EIF2D: variants seen among roughly 807,000 people sequenced by gnomAD.
EIF2D encodes the protein hepatocellular carcinoma-associated antigen 56.
Under a neutral mutation model 77.4 loss-of-function variants are expected in EIF2D, and 56 were observed. That is an observed-to-expected ratio of 0.72 (90% CI 0.58 to 0.90). EIF2D has a LOEUF of 0.90. EIF2D is among the 40% of genes least tolerant of loss of function. The pLI is 0.00. For synonymous variants in EIF2D, 230 were observed against 271.0 expected, an observed-to-expected ratio of 0.85 and a Z score of 1.49; for missense variants, 574 against 706.5, an observed-to-expected ratio of 0.81 and a Z score of 2.13.
downstream of EIF2D, among the ~76,000 whole-genome samples, chr1:206,570,920 G>T (rs1668430609): frequency 6.6e-6 from 1 of 152,138 alleles, no homozygotes. Context: ...TGATATTTGA[G>T]TCCTTGCTCT....
downstream of EIF2D, chr1:206,588,607 G>A (rs1438593019): frequency 6.6e-6 from 1 of 152,360 alleles, no homozygotes; most frequent in Non-Finnish European, 1.5e-5. Context: ...TTCCCTCTCT[G>A]ACCCAGGCTG....
chr1:206,596,898 C>T (rs1275132695), intron 12 of EIF2D, among the ~76,000 whole-genome samples: 6 of 150,014 alleles, frequency 4.0e-5, no homozygotes, highest in African/African-American at 1.5e-4. Flanking sequence ...TCCTTTCAAG[C>T]TCTCCCATGT....
chr1:206,606,864 G>C (rs1203798465), intron 4 of EIF2D, among the ~76,000 whole-genome samples: 2 of 152,200 alleles, frequency 1.3e-5, no homozygotes, highest in Non-Finnish European at 2.9e-5. Flanking sequence ...GTATTGGTGA[G>C]AGTATAGGGA....
chr1:206,610,667 A>T (rs1572417547), intron 2 of EIF2D, among the ~76,000 whole-genome samples: 1 of 152,090 alleles, frequency 6.6e-6, no homozygotes, highest in East Asian at 1.9e-4. Flanking sequence ...AAAAAATGCA[A>T]AAAATTAGCA....
At chr1:206,611,943 A>G (rs1023890644) in intron 1 of EIF2D, among the ~76,000 whole-genome samples, 1 of 152,096 alleles carries the variant, frequency 6.6e-6, no homozygotes, top group African/African-American at 2.4e-5. Flanking sequence ...TTGGTATCCC[A>G]TCCGATCTCT....
chr1:206,573,495 A>G (rs887299669), intron 4 of EIF2D, among the ~76,000 whole-genome samples: 2 of 152,240 alleles, frequency 1.3e-5, no homozygotes, highest in East Asian at 3.8e-4. Flanking sequence ...TCTCTCACGG[A>G]ACTCAGTATA....
intron 11 of EIF2D, among the ~76,000 whole-genome samples, chr1:206,597,509 G>A (rs1431189819): frequency 6.6e-6 from 1 of 152,228 alleles, no homozygotes; most frequent in Non-Finnish European, 1.5e-5. Flanking sequence ...AAGAAAGGAA[G>A]TGGGGATCTT....
rs1553407016 is a variant in EIF2D, at chr1:206,584,385, A to G, written c.139-3223T>C. 1 of 1,608,080 alleles carries G rather than the reference A, an allele frequency of 6.2e-7. No homozygotes were observed. The highest frequency in any genetic ancestry group is 2.2e-5 in the East Asian group (1 of 44,844). ...CCCCCTGTGACATGCCCCCGCTGGC[A>G]GAGTGAAGACGGCACCTACACGGGT... On this transcript the variant is annotated intron_variant and NMD_transcript_variant, in intron 2 of 5. Coordinates refer to the EIF2D transcript ENST00000472709. The surrounding 1 kb of genome is among the most constrained non-coding windows in gnomAD (Gnocchi z 4.9).
chr1:206,611,504 A>C (rs1670496615), intron 1 of EIF2D, 130 bp from the exon 2 acceptor site: 3 of 660,562 alleles, frequency 4.5e-6, no homozygotes, highest in Non-Finnish European at 5.1e-6. Flanking sequence ...ATGATGTCCT[A>C]GTCTCACACA....
intron 2 of EIF2D, among the ~76,000 whole-genome samples, chr1:206,581,630 GA>G (rs200630945): frequency 2.4e-4 from 36 of 151,608 alleles, no homozygotes; most frequent in African/African-American, 7.8e-4. Flanking sequence ...GACAGAGAGA[GA>G]GGGGGGAGAG....
At chr1:206,574,249 G>T (rs940164807) in intron 4 of EIF2D, among the ~76,000 whole-genome samples, 13 of 152,218 alleles carry the variant, frequency 8.5e-5, no homozygotes, top group African/African-American at 3.1e-4. Context: ...GGCCTGATCT[G>T]TGCTGCTTGA....
chr1:206,591,908 A>G, intron 14 of EIF2D, 63 bp from the exon 15 acceptor site: 1 of 1,540,968 alleles, frequency 6.5e-7, no homozygotes, highest in African/African-American at 1.4e-5. Flanking sequence ...CTGGCCCTCC[A>G]CCAGTCCCCG....
intron 4 of EIF2D, among the ~76,000 whole-genome samples, chr1:206,574,853 C>CTTTTTTTT (rs71570015): frequency 3.5e-5 from 3 of 86,072 alleles, no homozygotes; most frequent in Non-Finnish European, 6.6e-5. Context: ...GGACCAATGA[C>CTTTTTTTT]TTTTTTTTTT....
chr1:206,599,656 C>T lies in EIF2D; in HGVS notation c.1053-44G>A, dbSNP rs375300251. 6.2e-7 allele frequency: 1 copy of T among 1,608,598 alleles called. No individual in the cohort carries two copies. Among genetic ancestry groups the T allele is most frequent in the African/African-American group, 1.3e-5 (1 of 74,504 alleles). ...AAAGAAAAAACACATTTTATACTAGCATCTCAGCAATCCCCAGTCCGTGGC... is the reference window on the plus strand; with the variant it reads ...AAAGAAAAAACACATTTTATACTAGTATCTCAGCAATCCCCAGTCCGTGGC... On this transcript the variant is annotated intron_variant, in intron 9 of 14. Coordinates refer to ENST00000271764, the MANE Select transcript of EIF2D (RefSeq NM_006893.3). This position sits in a 1 kb window ranked among gnomAD's most constrained non-coding sequence, Gnocchi z 4.1.
rs1553407239 is a variant in EIF2D, at chr1:206,584,761, G to A, written c.139-3599C>T. ...AGCCCACCCACTAAAACTCCTGCCG[G>A]CCTTGGGTGGGAGCTGTGGGCTTCT... On this transcript the variant is annotated intron_variant and NMD_transcript_variant, in intron 2 of 5. Coordinates refer to the EIF2D transcript ENST00000472709. This position sits in a 1 kb window ranked among gnomAD's most constrained non-coding sequence, Gnocchi z 4.9. The A allele has an allele frequency of 6.6e-7, 1 of 1,505,078 alleles. No homozygotes were observed. The highest frequency in any genetic ancestry group is 9.1e-7 in the Non-Finnish European group (1 of 1,099,786). The allele number at this position is 1,505,078 out of a possible 1,614,324, so 93.2% of individuals were successfully genotyped here. A position where few individuals can be genotyped will look rare whatever the true frequency, so the allele number is the denominator to read the frequency against.
intron 7 of EIF2D, chr1:206,601,639 T>C (rs1401726924): frequency 6.6e-6 from 1 of 152,144 alleles, no homozygotes; most frequent in Admixed American, 6.5e-5. Context: ...CCTCCTGACA[T>C]GATAGTATTT....
intron 5 of EIF2D, among the ~76,000 whole-genome samples, chr1:206,604,202 G>T (rs781837357): frequency 1.3e-5 from 2 of 152,156 alleles, no homozygotes; most frequent in Non-Finnish European, 2.9e-5. Context: ...CAGCACTTTG[G>T]GAGGCCTAGA....
In EIF2D at chr1:206,608,276, G is replaced by C. The variant is rs1670297595; in HGVS notation, c.382C>G (p.Gln128Glu). 12 of 1,613,656 alleles carry C rather than the reference G, an allele frequency of 7.4e-6. No individual in the cohort carries two copies. The highest frequency in any genetic ancestry group is 1.0e-5 in the Non-Finnish European group (12 of 1,179,764). Residue 128 changes from glutamine (Q) to glutamate (E), a missense_variant, in exon 4 of 15, where the codon CAG becomes GAG. Coordinates refer to ENST00000271764, the MANE Select transcript of EIF2D (RefSeq NM_006893.3). ...VMPPAGLPQV[Q>E]KGDLCAISLV... ...GAAATGGCACAGAGGTCGCCCTTCT[G>C]TACCTGAGGCAGACCAGCAGGGGGC...
chr1:206,600,313 T>A lies in EIF2D; in HGVS notation c.903-5A>T. On this transcript the variant is annotated splice_region_variant and splice_polypyrimidine_tract_variant and intron_variant, in intron 7 of 14. Coordinates refer to ENST00000271764, the MANE Select transcript of EIF2D (RefSeq NM_006893.3). ...TCCAGTTGTCGTCCTTCGGGGCTGA[T>A]GGCAGATGGAAAAGGCAAATTAAAC... 6.2e-7 allele frequency: 1 copy of A among 1,613,824 alleles called. No individual in the cohort carries two copies.
Sources: gnomAD v4.1 joint callset for allele counts (sites outside exome capture counted in the v4.1 genomes callset) on GRCh38, gnomAD v4.1.1 for gene constraint, Gnocchi (gnomAD v3.1) non-coding constraint, MANE v1.5 for transcripts, NCBI Gene and HGNC (gene_info 2026-07-23, HGNC 2026-07-21) for gene names.